The following UGT2A2 variants were observed in gnomAD, a reference collection of about 807,000 sequenced individuals.
UGT2A2 encodes the protein UDP glucuronosyltransferase family 2 member A2.
A neutral mutation model predicts 50.7 loss-of-function variants in UGT2A2; 60 were observed. The ratio of observed to expected loss-of-function variants is 1.18; its 90% confidence interval spans 0.96 to 1.47. The LOEUF (loss-of-function observed/expected upper bound fraction) is 1.47. UGT2A2 is among the 40% of genes most tolerant of loss of function. The pLI is 0.00. For synonymous variants in UGT2A2, 242 were observed against 214.6 expected, an observed-to-expected ratio of 1.13 and a Z score of -1.11; for missense variants, 762 against 634.0, an observed-to-expected ratio of 1.20 and a Z score of -2.17.
chr4:69,629,710 C>T (rs1721283867), intron 1 of UGT2A2, among the ~76,000 whole-genome samples: 1 of 152,044 alleles, frequency 6.6e-6, no homozygotes, highest in Non-Finnish European at 1.5e-5. Context: ...AGGACCCCTG[C>T]AAGCTTGCAA....
At chr4:69,606,190 C>A (rs1202683049) in intron 1 of UGT2A2, among the ~76,000 whole-genome samples, 4 of 136,168 alleles carry the variant, frequency 2.9e-5, no homozygotes, top group Admixed American at 2.9e-4. Context: ...TACTGGCAAA[C>A]CAAATCCAGC....
chr4:69,603,630 A>G (rs62306488), intron 1 of UGT2A2: 24,960 of 135,768 alleles, frequency 0.18, 6,051 homozygotes, highest in Non-Finnish European at 0.22. Context: ...AGCTACAGGA[A>G]GAAGTTCAAA....
intron 1 of UGT2A2, among the ~76,000 whole-genome samples, chr4:69,633,058 T>C (rs141348169): frequency 2.0e-4 from 30 of 152,068 alleles, no homozygotes; most frequent in Middle Eastern, 3.4e-3. Context: ...CAAAGAAAAC[T>C]AAAAGTGAGT....
At chr4:69,631,287 T>A (rs1440601104) in intron 1 of UGT2A2, among the ~76,000 whole-genome samples, 1 of 145,826 alleles carries the variant, frequency 6.9e-6, no homozygotes. Flanking sequence ...TTCAAAATGA[T>A]GTTTGTCAAA....
intron 1 of UGT2A2, among the ~76,000 whole-genome samples, chr4:69,624,476 G>A (rs988310468): frequency 6.6e-6 from 1 of 151,350 alleles, no homozygotes; most frequent in Non-Finnish European, 1.5e-5. Flanking sequence ...TTATCTACAT[G>A]TTTGAGTTGG....
intron 1 of UGT2A2, among the ~76,000 whole-genome samples, chr4:69,617,940 T>A (rs951271542): frequency 6.6e-6 from 1 of 151,928 alleles, no homozygotes; most frequent in African/African-American, 2.4e-5. Flanking sequence ...AACAAGACTT[T>A]ACAATCCTAA....
In UGT2A2 at chr4:69,639,143, A is replaced by T; in HGVS notation, c.498T>A (p.Asp166Glu). 6.2e-7 allele frequency: 1 copy of T among 1,613,668 alleles called. No individual in the cohort carries two copies. Among genetic ancestry groups the T allele is most frequent in the Non-Finnish European group, 8.5e-7 (1 of 1,179,748 alleles). The change falls in exon 1 of 6, where the codon GAT becomes GAA. Residue 166 changes from aspartate (D) to glutamate (E), a missense_variant. Asp to Glu is a conservative substitution (Grantham distance 45, BLOSUM62 2). Coordinates refer to ENST00000604629, the MANE Select transcript of UGT2A2 (RefSeq NM_001105677.2). The stretch of plus-strand genomic sequence containing the variant: ...GAATTCCTAATTTCAGAGCAACAAG[A>T]TCACCACAGATTGTTACTGGGTCTG... ...LVADPVTICGDLVALKLGIPF... is the reference protein window; with the variant it reads ...LVADPVTICGELVALKLGIPF...
At chr4:69,619,130 C>T (rs1032602725) in intron 1 of UGT2A2, among the ~76,000 whole-genome samples, 2 of 151,764 alleles carry the variant, frequency 1.3e-5, no homozygotes, top group Non-Finnish European at 1.5e-5. Flanking sequence ...ACCTGATGTG[C>T]TTCATGCCTA....
chr4:69,608,636 G>GA (rs1332669314), intron 1 of UGT2A2, among the ~76,000 whole-genome samples: 13 of 151,610 alleles, frequency 8.6e-5, no homozygotes, highest in African/African-American at 2.9e-4. Flanking sequence ...GGGAAAAAAT[G>GA]AAAAAAATGC....
At chr4:69,637,365 A>C (rs1472727699) in intron 1 of UGT2A2, among the ~76,000 whole-genome samples, 1 of 152,158 alleles carries the variant, frequency 6.6e-6, no homozygotes, top group African/African-American at 2.4e-5. Flanking sequence ...AAATTATTGC[A>C]AGAGTTTTGC....
At chr4:69,623,883 A>C (rs935431244) in intron 1 of UGT2A2, among the ~76,000 whole-genome samples, 11 of 151,688 alleles carry the variant, frequency 7.3e-5, no homozygotes, top group Non-Finnish European at 4.4e-5. Context: ...GAAAATACAA[A>C]CAAGAAAGAT....
chr4:69,606,117 C>CAA (rs200344288), intron 1 of UGT2A2, among the ~76,000 whole-genome samples: 1 of 133,998 alleles, frequency 7.5e-6, no homozygotes, highest in Non-Finnish European at 1.6e-5. Context: ...AGAGACACAA[C>CAA]AAAAAAAGAG....
At chr4:69,590,564 G>A (rs1170059724) in intron 5 of UGT2A2, among the ~76,000 whole-genome samples, 1 of 152,036 alleles carries the variant, frequency 6.6e-6, no homozygotes, top group African/African-American at 2.4e-5. Flanking sequence ...ACTGGGGAAT[G>A]GGGAACATGG....
At chr4:69,612,434 A>C (rs1455190470) in intron 1 of UGT2A2, among the ~76,000 whole-genome samples, 1 of 152,066 alleles carries the variant, frequency 6.6e-6, no homozygotes, top group Admixed American at 6.6e-5. Flanking sequence ...TAAAGTGAGA[A>C]TAGCCAAAGT....
In UGT2A2 at chr4:69,630,986, T is replaced by G. The variant is rs1027305157; in HGVS notation, c.742+7913A>C. Among the ~76,000 whole-genome samples the G allele has an allele frequency of 2.0e-5, 3 of 152,288 alleles. No homozygotes were observed. In the South Asian group the frequency reaches 6.2e-4, roughly 32 times the overall value. On this transcript the variant is annotated intron_variant, in intron 1 of 5. Transcript: ENST00000604629. ...TTAAATGTTATTAATAACTTGAATG[T>G]GATCTCTGTGATAGGATGTCCCAGC...
rs376517060 is a variant in UGT2A2, at chr4:69,601,746, A to AGCTGGTGCTAACAACCAAAAAAGAG, written c.743-2353_743-2352insCTCTTTTTTGGTTGTTAGCACCAGC. ...CCTGTCAGAGCTGGTGCTGGTATCC[A>AGCTGGTGCTAACAACCAAAAAAGAG]CTGATGGGAGACTAGAGGACAGGTC... On this transcript the variant is annotated intron_variant, in intron 1 of 5. Coordinates refer to ENST00000604629, the MANE Select transcript of UGT2A2 (RefSeq NM_001105677.2). 5.3e-4 allele frequency among the ~76,000 whole-genome samples: 74 copies of AGCTGGTGCTAACAACCAAAAAAGAG among 139,686 alleles called. 1 individual carries two copies. The highest frequency in any genetic ancestry group is 1.0e-3 in the East Asian group (5 of 4,922). The allele number at this position is 139,686 out of a possible 152,430, so 91.6% of individuals were successfully genotyped here. A position where few individuals can be genotyped will look rare whatever the true frequency, so the allele number is the denominator to read the frequency against.
chr4:69,608,635 T>C (rs181168826), intron 1 of UGT2A2, among the ~76,000 whole-genome samples: 2 of 151,154 alleles, frequency 1.3e-5, no homozygotes, highest in Non-Finnish European at 3.0e-5. Context: ...AGGGAAAAAA[T>C]GAAAAAAATG....
chr4:69,612,088 T>C lies in UGT2A2; in HGVS notation c.743-12694A>G, dbSNP rs191571932. 5.3e-5 allele frequency among the ~76,000 whole-genome samples: 8 copies of C among 152,198 alleles called. No homozygotes were observed. In the East Asian group the frequency reaches 9.7e-4, roughly 18 times the overall value. On this transcript the variant is annotated intron_variant, in intron 1 of 5. Transcript: ENST00000604629. Reference sequence around the variant, plus strand: ...AAAGCATCTTGGAAGAAACTGACACTAGCCTCAAAGCCTTCCCACAGATCA... The same window carrying C: ...AAAGCATCTTGGAAGAAACTGACACCAGCCTCAAAGCCTTCCCACAGATCA...
intron 1 of UGT2A2, among the ~76,000 whole-genome samples, chr4:69,613,021 A>G (rs1192959853): frequency 6.7e-6 from 1 of 150,118 alleles, no homozygotes; most frequent in Non-Finnish European, 1.5e-5. Flanking sequence ...AAAAATTTAA[A>G]CAGGTCAACA....
Sources: gnomAD v4.1 joint callset for allele counts (sites outside exome capture counted in the v4.1 genomes callset) on GRCh38, gnomAD v4.1.1 for gene constraint, MANE v1.5 for transcripts, NCBI Gene and HGNC (gene_info 2026-07-23, HGNC 2026-07-21) for gene names.